Variants in HSD17B7 observed in about 807,000 individuals in gnomAD.
HSD17B7 encodes the protein 3-keto-steroid reductase/17-beta-hydroxysteroid dehydrogenase 7.
Under a neutral mutation model 34.1 loss-of-function variants are expected in HSD17B7, and 17 were observed. The observed-to-expected ratio is 0.50, with a 90% CI of 0.34 to 0.75. HSD17B7 has a LOEUF of 0.75. Ranked by LOEUF, HSD17B7 falls within the 30% of genes least tolerant of loss-of-function variation. HSD17B7 has a pLI of 0.01. For missense variants in HSD17B7, 296 were observed against 406.6 expected (o/e 0.73, Z 2.34); for synonymous variants, 122 against 154.6 (o/e 0.79, Z 1.56).
chr1:162,800,014 TA>T, intron 5 of HSD17B7, 77 bp downstream of exon 5: 1 of 1,230,478 alleles, frequency 8.1e-7, no homozygotes. Context: ...CCTAATAAGG[TA>T]GCTGGCTTTC....
At chr1:162,806,628 T>A (rs895084921) in intron 8 of HSD17B7, among the ~76,000 whole-genome samples, 31 of 152,222 alleles carry the variant, frequency 2.0e-4, no homozygotes, top group African/African-American at 7.5e-4. Flanking sequence ...GAATATTTTT[T>A]AAAGCAAATT....
chr1:162,794,941 G>C (rs1342412030), intron 2 of HSD17B7, among the ~76,000 whole-genome samples: 2 of 152,226 alleles, frequency 1.3e-5, no homozygotes, highest in Non-Finnish European at 2.9e-5. Context: ...AGGCTGTGGG[G>C]CAGAAGGGAG....
chr1:162,796,059 G>A (rs1027181312), intron 2 of HSD17B7, among the ~76,000 whole-genome samples: 2 of 152,086 alleles, frequency 1.3e-5, no homozygotes, highest in African/African-American at 4.8e-5. Context: ...AACACTGAAA[G>A]GTTTCCACAT....
At chr1:162,802,943 G>A (rs2102234738) in intron 5 of HSD17B7, 1 of 152,954 alleles carries the variant, frequency 6.5e-6, no homozygotes, top group East Asian at 1.9e-4. Context: ...CCCCCCTCAA[G>A]CTAGAGGTAT....
chr1:162,799,779 A>T lies in HSD17B7; in HGVS notation c.484A>T (p.Asn162Tyr). 3 of 1,613,902 alleles carry T rather than the reference A, an allele frequency of 1.9e-6. No homozygotes were observed. Among genetic ancestry groups the T allele is most frequent in the Non-Finnish European group, 2.5e-6 (3 of 1,179,866 alleles). ...ELEPLLCHSD[N>Y]PSQLIWTSSR... ...GGAGCCTCTCCTCTGTCACAGTGAC[A>T]ATCCATCTCAGCTCATCTGGACATC... is the stretch of plus-strand genomic sequence containing the variant. Residue 162 changes from asparagine to tyrosine, a missense_variant, in exon 5 of 9, where the codon AAT becomes TAT. Physicochemically the swap from Asn to Tyr is moderately radical, Grantham distance 143. Transcript: ENST00000254521.
At chr1:162,810,194 C>T (rs1387627541) in intron 8 of HSD17B7, among the ~76,000 whole-genome samples, 1 of 152,164 alleles carries the variant, frequency 6.6e-6, no homozygotes, top group Non-Finnish European at 1.5e-5. Flanking sequence ...CGTCTGCCCT[C>T]ATTTCGTTAT....
At chr1:162,809,467 G>A (rs1258005378) in intron 8 of HSD17B7, among the ~76,000 whole-genome samples, 2 of 152,130 alleles carry the variant, frequency 1.3e-5, no homozygotes, top group Non-Finnish European at 2.9e-5. Context: ...TTGGTATCAG[G>A]ATGATGCTGG....
intron 5 of HSD17B7, chr1:162,800,391 A>G: frequency 7.1e-6 from 3 of 422,810 alleles, no homozygotes; most frequent in South Asian, 1.7e-5. Context: ...TCTTGACTTT[A>G]TAGCTTGGAC....
At chr1:162,801,744 G>T (rs113217120) in intron 5 of HSD17B7, among the ~76,000 whole-genome samples, 2,587 of 152,154 alleles carry the variant, frequency 0.017, 37 homozygotes, top group South Asian at 0.032. Context: ...GACTCAGCAT[G>T]TTGGCCCAAT....
intron 4 of HSD17B7, chr1:162,798,220 G>A (rs1648685108): frequency 3.0e-6 from 1 of 335,740 alleles, no homozygotes; most frequent in Non-Finnish European, 5.1e-6. Context: ...GCATTGGTAT[G>A]ATGCATTTGT....
At chr1:162,793,064 T>C in intron 2 of HSD17B7, 1 of 425,096 alleles carries the variant, frequency 2.4e-6, no homozygotes, top group Admixed American at 3.6e-5. Context: ...GATGGAGTCT[T>C]GCTCTGTTGC....
At chr1:162,794,474 A>G (rs1648532312) in intron 2 of HSD17B7, among the ~76,000 whole-genome samples, 1 of 152,196 alleles carries the variant, frequency 6.6e-6, no homozygotes, top group African/African-American at 2.4e-5. Flanking sequence ...TAAAGAAAAA[A>G]AAACAAAAAA....
rs1219709324 is a variant in HSD17B7 at position 162,812,557 on chromosome 1, A to G, written c.*137A>G. 1.3e-6 allele frequency: 1 copy of G among 788,744 alleles called. No individual in the cohort carries two copies. Among genetic ancestry groups the G allele is most frequent in the Non-Finnish European group, 1.9e-6 (1 of 524,220 alleles). The allele number at this position is 788,744 out of a possible 1,614,324, so 48.9% of individuals were successfully genotyped here. A position where few individuals can be genotyped will look rare whatever the true frequency, so the allele number is the denominator to read the frequency against. ...GCTGGGTGTGGTGGCATGCGCATGT[A>G]GTCCCAGCTACTCAGAAGGATGAGG... On this transcript the variant is annotated 3_prime_UTR_variant, in exon 9 of 9. Transcript: ENST00000254521.
intron 5 of HSD17B7, among the ~76,000 whole-genome samples, chr1:162,801,469 C>G (rs1648812489): frequency 6.6e-6 from 1 of 152,176 alleles, no homozygotes; most frequent in South Asian, 2.1e-4. Flanking sequence ...GAAGCACTCA[C>G]AGCAGTGTTT....
chr1:162,809,118 C>T (rs1278951143), intron 8 of HSD17B7, among the ~76,000 whole-genome samples: 1 of 152,114 alleles, frequency 6.6e-6, no homozygotes, highest in Non-Finnish European at 1.5e-5. Context: ...TCATAAATAG[C>T]TCTTATTATT....
chr1:162,801,694 G>A (rs397750493), intron 5 of HSD17B7, among the ~76,000 whole-genome samples: 4 of 152,250 alleles, frequency 2.6e-5, no homozygotes, highest in East Asian at 1.9e-4. Flanking sequence ...CTGCACATGC[G>A]TGTACATGTT....
chr1:162,792,838 G>C lies in HSD17B7; in HGVS notation c.215G>C (p.Arg72Pro). 6.2e-7 allele frequency: 1 copy of C among 1,614,140 alleles called. No homozygotes were observed. The highest frequency in any genetic ancestry group is 8.5e-7 in the Non-Finnish European group (1 of 1,180,024). Residue 72 changes from arginine to proline, a missense_variant, in exon 2 of 9, where the codon CGG becomes CCG. Arg to Pro is a moderately radical substitution (Grantham distance 103, BLOSUM62 -2). Transcript: ENST00000254521. ...GTCAGCAACCTGCAGTCGGTCTTCC[G>C]GGCCTCCAAGGAACTTAAGCAAAGG... ...VDVSNLQSVF[R>P]ASKELKQRFQ...
At chr1:162,795,999 T>A (rs1052773090) in intron 2 of HSD17B7, among the ~76,000 whole-genome samples, 1 of 135,398 alleles carries the variant, frequency 7.4e-6, no homozygotes, top group African/African-American at 2.5e-5. Flanking sequence ...ATAATCTCAG[T>A]GTATTCTTAC....
intron 8 of HSD17B7, among the ~76,000 whole-genome samples, chr1:162,811,329 G>A (rs1439324007): frequency 6.6e-6 from 1 of 152,202 alleles, no homozygotes; most frequent in African/African-American, 2.4e-5. Context: ...CTGTTAGTCT[G>A]ATGGGCTTCC....
Sources: allele counts gnomAD v4.1 joint callset (sites outside exome capture counted in the v4.1 genomes callset), GRCh38; gene constraint gnomAD v4.1.1; transcripts MANE v1.5; gene names NCBI Gene and HGNC (gene_info 2026-07-23, HGNC 2026-07-21).